CSMD1: variants seen among roughly 807,000 people sequenced by gnomAD.
The protein encoded by CSMD1 is CUB and Sushi multiple domains 1, also known as CUB and sushi domain-containing protein 1.
In CSMD1, 213 loss-of-function variants were observed where a neutral mutation model predicts 417.5. The observed-to-expected ratio is 0.51, with a 90% CI of 0.46 to 0.57. The LOEUF is 0.57. Ranked by LOEUF, CSMD1 falls within the 20% of genes least tolerant of loss-of-function variation. The pLI, the probability that CSMD1 is intolerant of heterozygous loss-of-function variation, is 0.00. For missense variants in CSMD1, 6,923 were observed against 4,529.7 expected (o/e 1.53, Z -15.17); for synonymous variants, 2,862 against 1,736.8 (o/e 1.65, Z -16.11).
At chr8:3,524,904 A>C (rs1460685837) in intron 10 of CSMD1, among the ~76,000 whole-genome samples, 1 of 151,442 alleles carries the variant, frequency 6.6e-6, no homozygotes, top group African/African-American at 2.4e-5. Flanking sequence ...AGTTAAAAAT[A>C]GTAATAAACT....
At position 3,259,775 on chromosome 8, in the gene CSMD1, C is replaced by T. The variant is rs181335024; in HGVS notation, c.4153+24369G>A. 2.4e-3 allele frequency among the ~76,000 whole-genome samples: 373 copies of T among 152,272 alleles called. 1 individual carries two copies. The highest frequency in any genetic ancestry group is 8.0e-3 in the African/African-American group (333 of 41,552). On this transcript the variant is annotated intron_variant, in intron 26 of 69. Transcript: ENST00000635120. Reference sequence around the variant, plus strand: ...AAAACATGAGTTGGCAAACTGTATACTGGAAATCAAATCTGGCCCATCAGC... The same window carrying T: ...AAAACATGAGTTGGCAAACTGTATATTGGAAATCAAATCTGGCCCATCAGC...
rs376908058 is a variant in CSMD1, at chr8:4,806,116, G to A, written c.86-168558C>T. Among the ~76,000 whole-genome samples the A allele has an allele frequency of 9.3e-4, 142 of 152,230 alleles. 4 individuals carry two copies. In the South Asian group the frequency reaches 0.028, roughly 30 times the overall value. On this transcript the variant is annotated intron_variant, in intron 1 of 69. Coordinates refer to ENST00000635120, the MANE Select transcript of CSMD1 (RefSeq NM_033225.6). ...ATTTTAAAATGAACCCAGCAAAAAC[G>A]TTTAATTACCTAACTTTCAAAAGTC...
chr8:3,260,263 G>T (rs1370209989), intron 26 of CSMD1, among the ~76,000 whole-genome samples: 1 of 151,954 alleles, frequency 6.6e-6, no homozygotes, highest in Non-Finnish European at 1.5e-5. Flanking sequence ...TGCTCTTCAG[G>T]GTGAGATCCT....
At chr8:3,287,077 G>C (rs1245698543) in intron 25 of CSMD1, among the ~76,000 whole-genome samples, 1 of 152,056 alleles carries the variant, frequency 6.6e-6, no homozygotes, top group Non-Finnish European at 1.5e-5. Context: ...TTATTAAATA[G>C]GGAATGCTTT....
At chr8:4,874,898 A>C (rs894910839) in intron 1 of CSMD1, among the ~76,000 whole-genome samples, 1 of 149,976 alleles carries the variant, frequency 6.7e-6, no homozygotes, top group Non-Finnish European at 1.5e-5. Context: ...TAGTGTATAT[A>C]TAGTATATAC....
At chr8:3,965,140 A>G (rs551041855) in intron 5 of CSMD1, among the ~76,000 whole-genome samples, 13 of 152,172 alleles carry the variant, frequency 8.5e-5, no homozygotes, top group Non-Finnish European at 1.5e-4. Flanking sequence ...TGTTATTAAT[A>G]TTTTAATAGT....
intron 26 of CSMD1, chr8:3,279,001 T>G (rs1802523235): frequency 6.6e-6 from 1 of 152,184 alleles, no homozygotes; most frequent in Non-Finnish European, 1.5e-5. Flanking sequence ...CATGATTTAT[T>G]CCAGGTGTAG....
At chr8:4,855,223 C>G (rs1801725896) in intron 1 of CSMD1, among the ~76,000 whole-genome samples, 2 of 150,334 alleles carry the variant, frequency 1.3e-5, no homozygotes, top group African/African-American at 4.8e-5. Flanking sequence ...AGAAGAAAAA[C>G]TAACAAACAG....
chr8:3,042,270 CAG>C lies in CSMD1; in HGVS notation c.7660+10190_7660+10191del, dbSNP rs549820925. Among the ~76,000 whole-genome samples the C allele has an allele frequency of 8.4e-4, 128 of 152,168 alleles. 2 individuals carry two copies. Among genetic ancestry groups the C allele is most frequent in the African/African-American group, 3.0e-3 (124 of 41,524 alleles). On this transcript the variant is annotated intron_variant, in intron 50 of 69. Coordinates refer to ENST00000635120, the MANE Select transcript of CSMD1 (RefSeq NM_033225.6). ...TGGATATGCACCCTCCTATCTAGCA[CAG>C]AGACTCGTGCATCTCCTTAGCTAAG...
intron 3 of CSMD1, among the ~76,000 whole-genome samples, chr8:4,115,822 A>G (rs1585345846): frequency 1.3e-5 from 2 of 152,100 alleles, no homozygotes; most frequent in Non-Finnish European, 2.9e-5. Context: ...CAGTAAAAAA[A>G]AAGCCAATCT....
chr8:3,862,804 G>C (rs1804807359), intron 5 of CSMD1, among the ~76,000 whole-genome samples: 1 of 152,160 alleles, frequency 6.6e-6, no homozygotes, highest in South Asian at 2.1e-4. Flanking sequence ...TATCACAACA[G>C]CATTGCCTGC....
At chr8:3,506,301 T>C (rs1227120358) in intron 10 of CSMD1, among the ~76,000 whole-genome samples, 1 of 152,208 alleles carries the variant, frequency 6.6e-6, no homozygotes, top group Non-Finnish European at 1.5e-5. Context: ...CTCAGATTCC[T>C]ACTACCCGCT....
chr8:3,628,915 A>C (rs1297297533), intron 7 of CSMD1, among the ~76,000 whole-genome samples: 1 of 152,182 alleles, frequency 6.6e-6, no homozygotes. Context: ...GGAAAAAATA[A>C]GAGAAGGAAT....
At chr8:3,115,450 C>T (rs1400472801) in intron 42 of CSMD1, among the ~76,000 whole-genome samples, 2 of 152,188 alleles carry the variant, frequency 1.3e-5, no homozygotes, top group East Asian at 1.9e-4. Flanking sequence ...GATCCACCCA[C>T]CTCGGTCTCC....
At chr8:4,749,936 T>A (rs1040010060) in intron 1 of CSMD1, among the ~76,000 whole-genome samples, 1 of 152,072 alleles carries the variant, frequency 6.6e-6, no homozygotes, top group Non-Finnish European at 1.5e-5. Flanking sequence ...AATAGAAAAT[T>A]AGCCAAGGTC....
At chr8:4,806,113 AACGTTTAATT>A (rs1798570837) in intron 1 of CSMD1, among the ~76,000 whole-genome samples, 1 of 152,160 alleles carries the variant, frequency 6.6e-6, no homozygotes, top group African/African-American at 2.4e-5. Context: ...ACCCAGCAAA[AACGTTTAATT>A]ACCTAACTTT....
At chr8:4,251,821 G>A (rs1465901030) in intron 3 of CSMD1, among the ~76,000 whole-genome samples, 2 of 150,514 alleles carry the variant, frequency 1.3e-5, no homozygotes, top group South Asian at 4.3e-4. Flanking sequence ...AGATGGAGGA[G>A]GAGAGATGGA....
chr8:3,490,900 A>G (rs767994483), intron 11 of CSMD1, among the ~76,000 whole-genome samples: 1 of 152,140 alleles, frequency 6.6e-6, no homozygotes, highest in East Asian at 1.9e-4. Flanking sequence ...GTAATTTGTC[A>G]ACAAAAAAGA....
intron 5 of CSMD1, among the ~76,000 whole-genome samples, chr8:3,883,300 C>G (rs756539009): frequency 6.6e-6 from 1 of 152,022 alleles, no homozygotes; most frequent in African/African-American, 2.4e-5. Context: ...ACTGTGAGAA[C>G]TGAACGACAT....
Sources: allele counts gnomAD v4.1 joint callset (sites outside exome capture counted in the v4.1 genomes callset), GRCh38; gene constraint gnomAD v4.1.1; transcripts MANE v1.5; gene names NCBI Gene and HGNC (gene_info 2026-07-23, HGNC 2026-07-21).